SPAG16: variants seen among roughly 807,000 people sequenced by gnomAD.
The protein encoded by SPAG16 is sperm-associated antigen 16 protein.
SPAG16 carries 86 observed loss-of-function variants against 80.4 expected under a neutral mutation model. That is an observed-to-expected ratio of 1.07 (90% CI 0.90 to 1.28). SPAG16 has a LOEUF of 1.28. Among genes scored for constraint, SPAG16 ranks in the 50% most tolerant of loss-of-function variants. The pLI is 0.00. For synonymous variants in SPAG16, 294 were observed against 265.9 expected (o/e 1.11, Z -1.03); for missense variants, 870 against 765.3 (o/e 1.14, Z -1.61).
At chr2:213,558,472 AT>A (rs34254283) in intron 10 of SPAG16, among the ~76,000 whole-genome samples, 3,915 of 150,162 alleles carry the variant, frequency 0.026, 161 homozygotes, top group African/African-American at 0.089. Context: ...TTACATGAGA[AT>A]TTTTTTTTTG....
At chr2:213,786,619 CAGAT>C (rs1222373814) in intron 10 of SPAG16, among the ~76,000 whole-genome samples, 4 of 152,056 alleles carry the variant, frequency 2.6e-5, no homozygotes, top group African/African-American at 9.7e-5. Flanking sequence ...TTTGTGGCCT[CAGAT>C]AGAAGATGAT....
chr2:213,706,784 TG>T (rs2065771388), intron 10 of SPAG16, among the ~76,000 whole-genome samples: 1 of 152,212 alleles, frequency 6.6e-6, no homozygotes. Flanking sequence ...TGGCTTAGCT[TG>T]GGGGTTATGG....
chr2:213,534,158 C>G (rs1294786428), intron 10 of SPAG16, among the ~76,000 whole-genome samples: 1 of 151,948 alleles, frequency 6.6e-6, no homozygotes, highest in African/African-American at 2.4e-5. Context: ...TTTGTGTTTT[C>G]TTATTGATTT....
chr2:214,061,784 G>T (rs1240856621), intron 13 of SPAG16, among the ~76,000 whole-genome samples: 6 of 152,084 alleles, frequency 3.9e-5, no homozygotes. Flanking sequence ...CTCAGAAGTT[G>T]CTTCAGTAGT....
intron 15 of SPAG16, among the ~76,000 whole-genome samples, chr2:214,318,029 G>C (rs1695812919): frequency 6.6e-6 from 1 of 152,164 alleles, no homozygotes; most frequent in African/African-American, 2.4e-5. Context: ...TCATATAATT[G>C]TGCTATATTT....
intron 10 of SPAG16, among the ~76,000 whole-genome samples, chr2:213,531,808 T>C (rs915233138): frequency 6.6e-6 from 1 of 152,194 alleles, no homozygotes; most frequent in African/African-American, 2.4e-5. Context: ...TTCCATTTTT[T>C]TCCTACACAA....
At chr2:213,342,824 C>A (rs549605709) in intron 6 of SPAG16, among the ~76,000 whole-genome samples, 26 of 151,656 alleles carry the variant, frequency 1.7e-4, no homozygotes, top group Non-Finnish European at 3.2e-4. Flanking sequence ...AAAGCAGGAC[C>A]GTGATGCCTA....
chr2:214,326,553 A>G (rs1696494980), intron 15 of SPAG16, among the ~76,000 whole-genome samples: 1 of 108,520 alleles, frequency 9.2e-6, no homozygotes, highest in African/African-American at 2.5e-5. Flanking sequence ...GAGAAATCAT[A>G]ATAAGAAGAG....
At chr2:214,318,040 C>T (rs1695813874) in intron 15 of SPAG16, among the ~76,000 whole-genome samples, 1 of 152,136 alleles carries the variant, frequency 6.6e-6, no homozygotes, top group South Asian at 2.1e-4. Context: ...TGCTATATTT[C>T]TTAATTACCA....
At chr2:213,324,813 T>A (rs144678309) in intron 5 of SPAG16, among the ~76,000 whole-genome samples, 23 of 152,250 alleles carry the variant, frequency 1.5e-4, no homozygotes, top group African/African-American at 4.8e-4. Flanking sequence ...GAACTGCTCG[T>A]ACATATTCCC....
intron 10 of SPAG16, among the ~76,000 whole-genome samples, chr2:213,814,844 A>G (rs2072417206): frequency 6.6e-6 from 1 of 151,726 alleles, no homozygotes; most frequent in Non-Finnish European, 1.5e-5. Flanking sequence ...TAAGGGGGTT[A>G]ACTTTTCAAG....
At chr2:213,596,915 T>C (rs2060902569) in intron 10 of SPAG16, among the ~76,000 whole-genome samples, 1 of 152,262 alleles carries the variant, frequency 6.6e-6, no homozygotes, top group East Asian at 1.9e-4. Flanking sequence ...GGGTCAGTTA[T>C]ACAAACAGCT....
intron 10 of SPAG16, among the ~76,000 whole-genome samples, chr2:213,806,950 AC>A (rs777571831): frequency 4.6e-5 from 7 of 152,192 alleles, no homozygotes; most frequent in Non-Finnish European, 1.0e-4. Flanking sequence ...TTCAAAGATC[AC>A]GGATACATTA....
intron 15 of SPAG16, among the ~76,000 whole-genome samples, chr2:214,299,243 C>CTTTT (rs33961996): frequency 1.7e-5 from 1 of 57,678 alleles, no homozygotes; most frequent in Non-Finnish European, 3.1e-5. Flanking sequence ...GTGTAGTATA[C>CTTTT]TTTTTTTTTT....
intron 8 of SPAG16, among the ~76,000 whole-genome samples, chr2:213,370,641 C>G (rs968065281): frequency 1.1e-4 from 16 of 152,286 alleles, no homozygotes; most frequent in South Asian, 4.1e-4. Context: ...CAATTAATCT[C>G]TAACGATTCA....
At chr2:214,013,929 T>G in intron 12 of SPAG16, 22 bp from the exon 13 acceptor site, 1 of 1,609,952 alleles carries the variant, frequency 6.2e-7, no homozygotes. Context: ...ACTCCTAAAA[T>G]TCTTAATTTC....
At chr2:213,613,267 T>G (rs1384829730) in intron 10 of SPAG16, among the ~76,000 whole-genome samples, 1 of 152,166 alleles carries the variant, frequency 6.6e-6, no homozygotes. Context: ...TATATGGAGA[T>G]CATTGTACTC....
At chr2:213,469,274 C>T (rs532324375) in intron 9 of SPAG16, among the ~76,000 whole-genome samples, 68 of 152,208 alleles carry the variant, frequency 4.5e-4, no homozygotes, top group Admixed American at 6.5e-4. Context: ...CATCAGGAAA[C>T]GCACCAATCC....
intron 10 of SPAG16, among the ~76,000 whole-genome samples, chr2:213,857,457 G>A (rs766802538): frequency 3.3e-5 from 5 of 152,076 alleles, no homozygotes; most frequent in Admixed American, 6.6e-5. Context: ...TTTTGCCTAT[G>A]ATTTATAAAT....
Sources: gnomAD v4.1 joint callset for allele counts (sites outside exome capture counted in the v4.1 genomes callset) on GRCh38, gnomAD v4.1.1 for gene constraint, MANE v1.5 for transcripts, NCBI Gene and HGNC (gene_info 2026-07-23, HGNC 2026-07-21) for gene names.